The following SPOCK1 variants were observed in gnomAD, a reference collection of about 807,000 sequenced individuals.
The protein encoded by SPOCK1 is SPARC (osteonectin), cwcv and kazal like domains proteoglycan 1.
In SPOCK1, 23 loss-of-function variants were observed where a neutral mutation model predicts 55.3. The observed-to-expected ratio is 0.42, with a 90% CI of 0.30 to 0.59. The LOEUF (loss-of-function observed/expected upper bound fraction) is 0.59, where lower values mean the gene tolerates loss of function less well. Ranked by LOEUF, SPOCK1 falls within the 20% of genes least tolerant of loss-of-function variation. The pLI is 0.22. For missense variants in SPOCK1, 499 were observed against 552.5 expected, an observed-to-expected ratio of 0.90 and a Z score of 0.97; for synonymous variants, 226 against 221.0, an observed-to-expected ratio of 1.02 and a Z score of -0.20.
chr5:136,982,419 T>TA (rs145842434), intron 9 of SPOCK1, among the ~76,000 whole-genome samples: 197 of 152,292 alleles, frequency 1.3e-3, no homozygotes, highest in African/African-American at 4.6e-3. Flanking sequence ...TGATTACAGA[T>TA]ATTGTGATTA....
At chr5:137,375,434 G>A (rs1190063740) in intron 2 of SPOCK1, among the ~76,000 whole-genome samples, 1 of 152,194 alleles carries the variant, frequency 6.6e-6, no homozygotes, top group Non-Finnish European at 1.5e-5. Context: ...GCACTGTCTG[G>A]GAAGGGCACT....
chr5:137,005,877 G>A, intron 6 of SPOCK1, among the ~76,000 whole-genome samples: 1 of 152,108 alleles, frequency 6.6e-6, no homozygotes, highest in East Asian at 1.9e-4. Context: ...AAATAAGGGT[G>A]GAATTTACAT....
chr5:137,187,093 G>C (rs1380804502), intron 3 of SPOCK1, among the ~76,000 whole-genome samples: 4 of 152,118 alleles, frequency 2.6e-5, no homozygotes, highest in Admixed American at 1.3e-4. Context: ...CTTATGCTTT[G>C]CTGTTCCTTG....
chr5:137,012,431 C>CCA (rs367707961), intron 6 of SPOCK1, among the ~76,000 whole-genome samples: 5 of 151,828 alleles, frequency 3.3e-5, no homozygotes, highest in African/African-American at 9.6e-5. Context: ...TGCCATCCTC[C>CCA]CACACACACA....
intron 5 of SPOCK1, among the ~76,000 whole-genome samples, chr5:137,102,081 G>A (rs1753279255): frequency 6.6e-6 from 1 of 152,082 alleles, no homozygotes; most frequent in African/African-American, 2.4e-5. Flanking sequence ...TTTAAAATGT[G>A]ACTGGGTGGT....
At chr5:137,261,546 A>G (rs985331241) in intron 3 of SPOCK1, among the ~76,000 whole-genome samples, 8 of 152,202 alleles carry the variant, frequency 5.3e-5, no homozygotes, top group Non-Finnish European at 1.2e-4. Flanking sequence ...CGAGAACAGC[A>G]TGAGTGAAAG....
chr5:137,087,105 TACA>T (rs1182008611), intron 5 of SPOCK1, among the ~76,000 whole-genome samples: 2 of 152,156 alleles, frequency 1.3e-5, no homozygotes, highest in African/African-American at 2.4e-5. Context: ...ATCAAATCGA[TACA>T]ACAAAAAGCC....
At chr5:137,236,658 G>T (rs1396631486) in intron 3 of SPOCK1, among the ~76,000 whole-genome samples, 1 of 152,118 alleles carries the variant, frequency 6.6e-6, no homozygotes, top group Non-Finnish European at 1.5e-5. Flanking sequence ...TGGGGCTATG[G>T]TCATATCTGA....
At chr5:137,143,040 A>T (rs1754128570) in intron 3 of SPOCK1, among the ~76,000 whole-genome samples, 1 of 152,222 alleles carries the variant, frequency 6.6e-6, no homozygotes, top group Admixed American at 6.5e-5. Flanking sequence ...AGGACATGTC[A>T]GTCCTTCATT....
intron 6 of SPOCK1, among the ~76,000 whole-genome samples, chr5:137,044,713 T>C (rs1752075986): frequency 6.6e-6 from 1 of 151,584 alleles, no homozygotes; most frequent in African/African-American, 2.4e-5. Context: ...TACATATGTA[T>C]ACATGTGCCA....
intron 2 of SPOCK1, among the ~76,000 whole-genome samples, chr5:137,368,207 G>A (rs993501269): frequency 2.0e-5 from 3 of 152,220 alleles, no homozygotes; most frequent in Non-Finnish European, 4.4e-5. Flanking sequence ...CCAGAGCTGG[G>A]AGAGTTGTTT....
chr5:137,083,557 T>A (rs1273116122), intron 5 of SPOCK1, among the ~76,000 whole-genome samples: 1 of 152,162 alleles, frequency 6.6e-6, no homozygotes, highest in Non-Finnish European at 1.5e-5. Flanking sequence ...AGGGATACGA[T>A]GGTAAACAAA....
intron 6 of SPOCK1, among the ~76,000 whole-genome samples, chr5:137,031,527 TGTAA>T (rs1486782258): frequency 2.0e-5 from 3 of 152,270 alleles, no homozygotes; most frequent in Admixed American, 6.5e-5. Flanking sequence ...GGATGAGTTT[TGTAA>T]GTGTTTTCCC....
intron 5 of SPOCK1, among the ~76,000 whole-genome samples, chr5:137,101,499 G>A (rs1753263761): frequency 6.6e-6 from 1 of 152,214 alleles, no homozygotes; most frequent in Non-Finnish European, 1.5e-5. Context: ...CAGGGCATTT[G>A]AGAAGAAGAA....
At chr5:137,354,989 G>A (rs375664847) in intron 2 of SPOCK1, among the ~76,000 whole-genome samples, 46 of 150,556 alleles carry the variant, frequency 3.1e-4, no homozygotes, top group East Asian at 1.8e-3. Context: ...TGCAACCTCC[G>A]CCTCCTGGGT....
At chr5:137,380,101 C>T (rs1751431112) in intron 2 of SPOCK1, among the ~76,000 whole-genome samples, 1 of 152,196 alleles carries the variant, frequency 6.6e-6, no homozygotes, top group Non-Finnish European at 1.5e-5. Context: ...AGACCGACAG[C>T]TTGGTGGAGC....
chr5:137,435,375 A>T (rs1384026079), intron 2 of SPOCK1, among the ~76,000 whole-genome samples: 1 of 152,228 alleles, frequency 6.6e-6, no homozygotes, highest in Non-Finnish European at 1.5e-5. Context: ...CTACATTTCT[A>T]CCAATGGTAT....
rs139489954 is a variant in SPOCK1 at position 137,461,117 on chromosome 5, C to T, written c.186+37256G>A. On this transcript the variant is annotated intron_variant, in intron 2 of 10. Transcript: ENST00000394945. ...AACCCAGGAGAGCGGGGACCTCTTCCGTCTTGCTCAAGTCTGTCTCTCCAG... is the reference window on the plus strand; with the variant it reads ...AACCCAGGAGAGCGGGGACCTCTTCTGTCTTGCTCAAGTCTGTCTCTCCAG... 1.1e-3 allele frequency among the ~76,000 whole-genome samples: 161 copies of T among 152,316 alleles called. 3 individuals are homozygous for T. Among genetic ancestry groups the T allele is most frequent in the Middle Eastern group, 6.8e-3 (2 of 294 alleles).
intron 2 of SPOCK1, among the ~76,000 whole-genome samples, chr5:137,416,082 C>T (rs1400354579): frequency 6.6e-6 from 1 of 151,840 alleles, no homozygotes; most frequent in Admixed American, 6.6e-5. Flanking sequence ...AGACATGTTA[C>T]ATACAGAGGA....
Sources: gnomAD v4.1 joint callset for allele counts (sites outside exome capture counted in the v4.1 genomes callset) on GRCh38, gnomAD v4.1.1 for gene constraint, MANE v1.5 for transcripts, NCBI Gene and HGNC (gene_info 2026-07-23, HGNC 2026-07-21) for gene names.